The following PER3 variants were observed in gnomAD, a reference collection of about 807,000 sequenced individuals.
PER3 encodes the protein period circadian regulator 3.
Under a neutral mutation model 127.2 loss-of-function variants are expected in PER3, and 107 were observed. The observed-to-expected ratio is 0.84, with a 90% CI of 0.72 to 0.99. The LOEUF is 0.99. Ranked by LOEUF, PER3 falls within the 50% of genes least tolerant of loss-of-function variation. The probability of loss-of-function intolerance (pLI) is 0.00; values close to 1 mark genes in which losing one functional copy is unlikely to be tolerated. For missense variants in PER3, 1,560 were observed against 1,525.8 expected (o/e 1.02, Z -0.37); for synonymous variants, 618 against 585.8 (o/e 1.05, Z -0.79).
Position 7,796,304 on chromosome 1 carries a change from G to A in PER3, c.645-2221G>A, listed in dbSNP as rs2097144966. 3.7e-5 allele frequency among the ~76,000 whole-genome samples: 5 copies of A among 133,770 alleles called. No homozygotes were observed. In the South Asian group the frequency reaches 1.0e-3, roughly 28 times the overall value. The allele number at this position is 133,770 out of a possible 152,430, so 87.8% of individuals were successfully genotyped here. On this transcript the variant is annotated intron_variant, in intron 6 of 21. Coordinates refer to ENST00000377532, the MANE Select transcript of PER3 (RefSeq NM_001377275.1). ...TTTTCAGTGAACAGAGGTAGGAAAC[G>A]TTCATTTCAGTTTCCTTTTTTTTTT...
In PER3 at chr1:7,788,116, C is replaced by T. The variant is rs765256883; in HGVS notation, c.462C>T (p.Ile154=). The change falls in exon 5 of 22, where the codon ATC becomes ATT. Residue 154 remains isoleucine, a synonymous_variant. Coordinates refer to ENST00000377532, the MANE Select transcript of PER3 (RefSeq NM_001377275.1). ...ACATTTCTGAACAGGCTGCTTTGAT[C>T]CTGAATCGTAAGAAAGATGTCCTGG... ...LVHISEQAAL[I]LNRKKDVLAS... is the part of the protein sequence containing the mutation. 3 of 1,613,778 alleles carry T rather than the reference C, an allele frequency of 1.9e-6. No individual in the cohort carries two copies. The highest frequency in any genetic ancestry group is 2.7e-5 in the African/African-American group (2 of 74,898).
chr1:7,809,769 G>C, intron 11 of PER3, 124 bp from the exon 12 acceptor site: 2 of 919,784 alleles, frequency 2.2e-6, no homozygotes, highest in Non-Finnish European at 3.3e-6. Flanking sequence ...GTACCAACCT[G>C]CACACACCTA....
At chr1:7,790,594 C>G (rs1482280644) in intron 5 of PER3, among the ~76,000 whole-genome samples, 1 of 152,156 alleles carries the variant, frequency 6.6e-6, no homozygotes, top group Non-Finnish European at 1.5e-5. Flanking sequence ...TTTCAAAATG[C>G]AATCATGCTT....
intron 2 of PER3, 65 bp from the exon 3 acceptor site, chr1:7,785,376 T>A: frequency 7.6e-7 from 1 of 1,315,332 alleles, no homozygotes. Context: ...GCAGTTTGTG[T>A]TCCCTAAGCC....
At chr1:7,790,158 C>T (rs697686) in intron 5 of PER3, among the ~76,000 whole-genome samples, 60,819 of 151,950 alleles carry the variant, frequency 0.4, 12,983 homozygotes, top group African/African-American at 0.55. Context: ...CTGATTACTG[C>T]GATATTTCCC....
chr1:7,844,884 A>T lies in PER3; in HGVS notation c.*2129A>T, dbSNP rs1033497824. On this transcript the variant is annotated 3_prime_UTR_variant, in exon 22 of 22. Coordinates refer to ENST00000377532, the MANE Select transcript of PER3 (RefSeq NM_001377275.1). ...TATATTAATGACTATTGAAAGTGGT[A>T]ATAAAAATTTATATTATAGGCTTCA... is the stretch of plus-strand genomic sequence containing the variant. The T allele has an allele frequency of 6.6e-6, 1 of 152,390 alleles. No homozygotes were observed. Among genetic ancestry groups the T allele is most frequent in the Non-Finnish European group, 1.5e-5 (1 of 68,040 alleles). 9.4% of individuals were successfully genotyped at this position (152,390 alleles called of 1,614,324 possible).
intron 6 of PER3, among the ~76,000 whole-genome samples, chr1:7,797,878 A>G (rs988921863): frequency 6.6e-6 from 1 of 152,128 alleles, no homozygotes; most frequent in African/African-American, 2.4e-5. Flanking sequence ...ACACCGGGTG[A>G]TGATATTTGA....
At chr1:7,803,263 G>A in intron 9 of PER3, 110 bp downstream of exon 9, 1 of 747,260 alleles carries the variant, frequency 1.3e-6, no homozygotes, top group Non-Finnish European at 2.4e-6. Context: ...GCATTACATT[G>A]AAGCTGCTAA....
At chr1:7,832,933 G>A (rs2097340058) in intron 19 of PER3, among the ~76,000 whole-genome samples, 1 of 151,404 alleles carries the variant, frequency 6.6e-6, no homozygotes, top group Admixed American at 6.6e-5. Flanking sequence ...CAAACTTCTG[G>A]GTTCAACAAT....
At chr1:7,793,870 G>C in intron 5 of PER3, 87 bp from the exon 6 acceptor site, 1 of 1,114,288 alleles carries the variant, frequency 9.0e-7, no homozygotes, top group East Asian at 2.4e-5. Flanking sequence ...TTAAAAAATA[G>C]TTTGTTGTTT....
Position 7,835,812 on chromosome 1 carries a change from A to G in PER3, c.3265A>G (p.Ile1089Val). 4 of 1,612,904 alleles carry G rather than the reference A, an allele frequency of 2.5e-6. No individual in the cohort carries two copies. The highest frequency in any genetic ancestry group is 3.4e-6 in the Non-Finnish European group (4 of 1,178,932). ...TACTAGTAGTGTTTATTCTTCTAAA[A>G]TCTCCCAAAATGGGCAGCAATCTCA... Reference protein sequence around the residue: ...YLTSSVYSSKISQNGQQSQDV... With the variant: ...YLTSSVYSSKVSQNGQQSQDV... Residue 1089 changes from isoleucine (I) to valine (V), a missense_variant, in exon 20 of 22, where the codon ATC becomes GTC. Transcript: ENST00000377532.
rs371958982 is a variant in PER3, at chr1:7,810,030, G to A, written c.1371+9G>A. The A allele has an allele frequency of 5.0e-6, 8 of 1,610,764 alleles. No homozygotes were observed. The highest frequency in any genetic ancestry group is 1.7e-5 in the Admixed American group (1 of 59,562). ...AGACGAAGGCGGAGCAGGTGCATGG[G>A]CTTATGTCACATTCTTATACAGGCA... On this transcript the variant is annotated intron_variant, in intron 12 of 21. Transcript: ENST00000377532.
At chr1:7,785,946 G>T (rs1281363047) in intron 3 of PER3, among the ~76,000 whole-genome samples, 1 of 152,178 alleles carries the variant, frequency 6.6e-6, no homozygotes, top group South Asian at 2.1e-4. Flanking sequence ...TTTACATGCC[G>T]TACACATACT....
Position 7,803,688 on chromosome 1 carries a change from A to G in PER3, c.980-4A>G, listed in dbSNP as rs1486827799. The G allele has an allele frequency of 6.4e-7, 1 of 1,559,368 alleles. No homozygotes were observed. Among genetic ancestry groups the G allele is most frequent in the East Asian group, 2.3e-5 (1 of 44,444 alleles). Reference sequence around the variant, plus strand: ...TCCTATTTTTGTCTTATTATTTTATATAGTTTTGAAGTATGCAGGGCATCC... The same window carrying G: ...TCCTATTTTTGTCTTATTATTTTATGTAGTTTTGAAGTATGCAGGGCATCC... On this transcript the variant is annotated splice_region_variant and splice_polypyrimidine_tract_variant and intron_variant, in intron 9 of 21. Transcript: ENST00000377532.
chr1:7,815,030 T>C (rs2097240827), intron 13 of PER3, among the ~76,000 whole-genome samples: 1 of 152,144 alleles, frequency 6.6e-6, no homozygotes, highest in Non-Finnish European at 1.5e-5. Flanking sequence ...GGAGTGGTGT[T>C]ATGTGCCAGC....
chr1:7,810,291 A>G, intron 12 of PER3, 147 bp from the exon 13 acceptor site: 3 of 654,290 alleles, frequency 4.6e-6, no homozygotes, highest in Non-Finnish European at 7.8e-6. Flanking sequence ...ATACTGTGGC[A>G]TGGTGCAGGA....
intron 5 of PER3, among the ~76,000 whole-genome samples, chr1:7,793,548 T>C (rs1359599123): frequency 1.3e-5 from 2 of 152,166 alleles, no homozygotes; most frequent in African/African-American, 4.8e-5. Flanking sequence ...ATCGTATAGC[T>C]AAGAAGCTGA....
chr1:7,791,585 T>A (rs577796814), intron 5 of PER3, among the ~76,000 whole-genome samples: 2 of 152,374 alleles, frequency 1.3e-5, no homozygotes, highest in African/African-American at 4.8e-5. Flanking sequence ...GGCTTCTTGT[T>A]ACTTCTGCAA....
Position 7,826,347 on chromosome 1 carries a change from G to T in PER3, c.1958-133G>T, listed in dbSNP as rs1246824879. 8.0e-6 allele frequency: 5 copies of T among 622,086 alleles called. No homozygotes were observed. The highest frequency in any genetic ancestry group is 1.4e-5 in the Non-Finnish European group (5 of 346,314). The allele number at this position is 622,086 out of a possible 1,614,324, so 38.5% of individuals were successfully genotyped here. ...AGAAAATGAAGAATTTCTGTGCTAG[G>T]CTAATGAAGATTTTTCGTATTCCAG... is the stretch of plus-strand genomic sequence containing the variant. On this transcript the variant is annotated intron_variant, in intron 16 of 21. Coordinates refer to ENST00000377532, the MANE Select transcript of PER3 (RefSeq NM_001377275.1). This position sits in a 1 kb window ranked among gnomAD's most constrained non-coding sequence, Gnocchi z 4.2.
Sources: gnomAD v4.1 joint callset for allele counts (sites outside exome capture counted in the v4.1 genomes callset) on GRCh38, gnomAD v4.1.1 for gene constraint, Gnocchi (gnomAD v3.1) non-coding constraint, MANE v1.5 for transcripts, NCBI Gene and HGNC (gene_info 2026-07-23, HGNC 2026-07-21) for gene names.